GRM4: variants seen among roughly 807,000 people sequenced by gnomAD.
GRM4 encodes metabotropic glutamate receptor 4.
Under a neutral mutation model 81.7 loss-of-function variants are expected in GRM4, and 28 were observed. The ratio of observed to expected loss-of-function variants is 0.34; its 90% CI spans 0.25 to 0.47. The LOEUF is 0.47. GRM4 is among the 20% of genes least tolerant of loss of function. The pLI is 1.00. For missense variants in GRM4, 948 were observed against 1,290.0 expected, an observed-to-expected ratio of 0.73 and a Z score of 4.06; for synonymous variants, 488 against 528.8, an observed-to-expected ratio of 0.92 and a Z score of 1.06.
At chr6:34,052,428 G>GT (rs1291336154) in intron 6 of GRM4, among the ~76,000 whole-genome samples, 1 of 152,232 alleles carries the variant, frequency 6.6e-6, no homozygotes, top group Non-Finnish European at 1.5e-5. Flanking sequence ...CTTCCCAAGT[G>GT]TAAGATCCCA....
Position 34,092,727 on chromosome 6 carries a change from C to A in GRM4, c.520-628G>T, listed in dbSNP as rs190981626. Among the ~76,000 whole-genome samples the A allele has an allele frequency of 1.1e-3, 160 of 152,270 alleles. No individual in the cohort carries two copies. Among genetic ancestry groups the A allele is most frequent in the African/African-American group, 3.6e-3 (151 of 41,560 alleles). ...GGGGACACTGAGCCCAGAGAGTCAC[C>A]ACCCTGCCGGGTCCCACAGCCTCTC... On this transcript the variant is annotated intron_variant, in intron 2 of 10. Coordinates refer to ENST00000538487, the MANE Select transcript of GRM4 (RefSeq NM_000841.4). This position sits in a 1 kb window ranked among gnomAD's most constrained non-coding sequence, Gnocchi z 6.8.
chr6:34,046,615 C>T (rs183278825), intron 6 of GRM4, among the ~76,000 whole-genome samples: 5 of 152,334 alleles, frequency 3.3e-5, no homozygotes, highest in Admixed American at 1.3e-4. Context: ...GCTCCAGCTC[C>T]GCCAGTCCTA....
At chr6:34,137,553 G>C (rs1307177371) in intron 1 of GRM4, among the ~76,000 whole-genome samples, 1 of 151,700 alleles carries the variant, frequency 6.6e-6, no homozygotes, top group African/African-American at 2.4e-5. Context: ...GGAACTCCAG[G>C]AACCTGCCTT....
intron 6 of GRM4, among the ~76,000 whole-genome samples, chr6:34,052,755 T>G (rs1203502279): frequency 6.7e-6 from 1 of 149,234 alleles, no homozygotes; most frequent in African/African-American, 2.5e-5. Flanking sequence ...CCTGGAGGAG[T>G]GAGAGGGAAG....
upstream of GRM4, among the ~76,000 whole-genome samples, chr6:34,149,661 G>T (rs562974626): frequency 3.5e-3 from 534 of 152,328 alleles, 3 homozygotes; most frequent in African/African-American, 8.1e-3. Flanking sequence ...GACAGGCTGG[G>T]ACAGGTATGA....
At chr6:34,148,101 A>G (rs1467702511), upstream of GRM4, among the ~76,000 whole-genome samples, 2 of 135,490 alleles carry the variant, frequency 1.5e-5, no homozygotes, top group African/African-American at 5.6e-5. Flanking sequence ...TATATTTTTC[A>G]GGGGTTAAAA....
chr6:34,095,609 T>C (rs1288583769), intron 2 of GRM4, among the ~76,000 whole-genome samples: 1 of 152,208 alleles, frequency 6.6e-6, no homozygotes, highest in Non-Finnish European at 1.5e-5. Context: ...GGTCAGCTCT[T>C]AGGGGAGCTG....
intron 6 of GRM4, among the ~76,000 whole-genome samples, chr6:34,043,650 G>C (rs34996196): frequency 0.014 from 2,068 of 152,292 alleles, 27 homozygotes; most frequent in Middle Eastern, 0.041. Flanking sequence ...ACCTCCCCCA[G>C]GAGGCTGGCC....
intron 9 of GRM4, among the ~76,000 whole-genome samples, chr6:34,031,726 C>T (rs549912374): frequency 4.9e-4 from 74 of 152,284 alleles, no homozygotes; most frequent in Admixed American, 1.3e-3. Context: ...CCTGGAAATC[C>T]GGGCTAAGGC....
At chr6:34,113,468 G>T (rs1197596510) in intron 2 of GRM4, among the ~76,000 whole-genome samples, 1 of 152,228 alleles carries the variant, frequency 6.6e-6, no homozygotes, top group Admixed American at 6.5e-5. Flanking sequence ...CGTCTACCCA[G>T]GTAGGGAGAT....
intron 10 of GRM4, among the ~76,000 whole-genome samples, chr6:34,023,915 G>A (rs74695365): frequency 0.01 from 1,526 of 152,326 alleles, 18 homozygotes; most frequent in Non-Finnish European, 0.014. Flanking sequence ...CTCAGTGGTG[G>A]TAATCAGGGC....
chr6:34,022,851 A>G lies in GRM4; in HGVS notation c.2709T>C (p.Thr903=). The G allele has an allele frequency of 1.2e-6, 2 of 1,614,058 alleles. No homozygotes were observed. The highest frequency in any genetic ancestry group is 1.7e-6 in the Non-Finnish European group (2 of 1,179,894). ...LEAPALATKQ[T]YVTYTNHAI ...TTGCATGGTTGGTGTAAGTGACGTA[A>G]GTCTGTTTGGTGGCCAGCGCTGGAA... Residue 903 remains threonine (T), a synonymous_variant, in exon 11 of 11, where the codon ACT becomes ACC. Coordinates refer to ENST00000538487, the MANE Select transcript of GRM4 (RefSeq NM_000841.4). This position sits in a 1 kb window ranked among gnomAD's most constrained non-coding sequence, Gnocchi z 5.6.
rs61457652 is a variant in GRM4 at position 34,031,951 on chromosome 6, GCT to G, written c.2443-3587_2443-3586del. 8.7e-3 allele frequency among the ~76,000 whole-genome samples: 1,285 copies of G among 148,462 alleles called. 18 individuals carry two copies. The highest frequency in any genetic ancestry group is 8.4e-3 in the Non-Finnish European group (564 of 66,986). ...GCACATTTGCATCTGACTCAGCTGG[GCT>G]CTCTCTCTCTCTCTCTCACACACAC... On this transcript the variant is annotated intron_variant, in intron 9 of 10. Coordinates refer to ENST00000538487, the MANE Select transcript of GRM4 (RefSeq NM_000841.4).
At chr6:34,125,480 C>T (rs1003478340) in intron 2 of GRM4, among the ~76,000 whole-genome samples, 2 of 152,234 alleles carry the variant, frequency 1.3e-5, no homozygotes, top group African/African-American at 4.8e-5. Context: ...AGACCCTGGG[C>T]TCACAGTCTT....
chr6:34,133,439 G>A lies in GRM4; in HGVS notation c.58C>T (p.Leu20Phe). ...WWARLPLCLL[L>F]SLYGPWMPSS... is the part of the protein sequence containing the mutation. The stretch of plus-strand genomic sequence containing the variant: ...GGCATCCAGGGGCCGTAAAGGCTGA[G>A]GAGCAGGCAAAGGGGCAGCCGGGCC... Residue 20 changes from leucine to phenylalanine, a missense_variant, in exon 2 of 11, where the codon CTC becomes TTC. By Grantham distance (22) the Leu-to-Phe change is conservative. Transcript: ENST00000538487. This position sits in a 1 kb window ranked among gnomAD's most constrained non-coding sequence, Gnocchi z 6.5. 1.2e-6 allele frequency: 2 copies of A among 1,609,662 alleles called. No homozygotes were observed. The highest frequency in any genetic ancestry group is 1.7e-6 in the Non-Finnish European group (2 of 1,178,182).
At chr6:34,023,030 C>A (rs974457387) in intron 10 of GRM4, among the ~76,000 whole-genome samples, 160 bp from the exon 11 acceptor site, 1 of 152,248 alleles carries the variant, frequency 6.6e-6, no homozygotes, top group Non-Finnish European at 1.5e-5. Context: ...CAAACTGCAC[C>A]GGCCCCGCCT....
chr6:34,125,305 C>T (rs1019614053), intron 2 of GRM4, among the ~76,000 whole-genome samples: 5 of 152,204 alleles, frequency 3.3e-5, no homozygotes, highest in African/African-American at 1.2e-4. Flanking sequence ...CTAAAGCTGA[C>T]ATCCTGCCTG....
intron 6 of GRM4, 109 bp downstream of exon 6, chr6:34,056,435 C>T (rs1413416930): frequency 5.8e-6 from 6 of 1,033,180 alleles, no homozygotes; most frequent in Admixed American, 2.4e-5. Context: ...CGTCCTGCCA[C>T]GGCCGGCCGA....
rs564962397 is a variant in GRM4, at chr6:34,115,649, G to A, written c.519+17329C>T. Among the ~76,000 whole-genome samples, 1 of 152,282 alleles carries A rather than the reference G, an allele frequency of 6.6e-6. No homozygotes were observed. The highest frequency in any genetic ancestry group is 1.5e-5 in the Non-Finnish European group (1 of 68,034). ...AAGAGCCTTTCTAGCTTCCCAAAGG[G>A]GCCCTGGGACAAGCCTTGCTGGGTT... On this transcript the variant is annotated intron_variant, in intron 2 of 10. Transcript: ENST00000538487. This position sits in a 1 kb window ranked among gnomAD's most constrained non-coding sequence, Gnocchi z 4.1.
Sources: gnomAD v4.1 joint callset for allele counts (sites outside exome capture counted in the v4.1 genomes callset) on GRCh38, gnomAD v4.1.1 for gene constraint, Gnocchi (gnomAD v3.1) non-coding constraint, MANE v1.5 for transcripts, NCBI Gene and HGNC (gene_info 2026-07-23, HGNC 2026-07-21) for gene names.